THOP1: variants seen among roughly 807,000 people sequenced by gnomAD.
THOP1 encodes the protein thimet oligopeptidase 1.
A neutral mutation model predicts 71.8 loss-of-function variants in THOP1; 49 were observed. The observed-to-expected ratio is 0.68, with a 90% CI of 0.54 to 0.87. The LOEUF is 0.87. Ranked by LOEUF, THOP1 falls within the 40% of genes least tolerant of loss-of-function variation. The probability of loss-of-function intolerance (pLI) is 0.00; values close to 1 mark genes in which losing one functional copy is unlikely to be tolerated. For missense variants in THOP1, 843 were observed against 975.6 expected (o/e 0.86, Z 1.81); for synonymous variants, 426 against 421.5 (o/e 1.01, Z -0.13).
intron 1 of THOP1, chr19:2,786,807 A>G (rs984889285): frequency 1.6e-5 from 2 of 128,968 alleles, no homozygotes; most frequent in African/African-American, 3.2e-5. Flanking sequence ...TCCGTCACCC[A>G]GGCTGGAGTG....
Position 2,794,758 on chromosome 19 carries a change from T to C in THOP1, c.230-6T>C, listed in dbSNP as rs748548026. ...ACACCTGTCTCCCTGGTCTCCCCTGTTTTAGTTCAGAGGAATATCCTTGAC... is the reference window on the plus strand; with the variant it reads ...ACACCTGTCTCCCTGGTCTCCCCTGCTTTAGTTCAGAGGAATATCCTTGAC... On this transcript the variant is annotated splice_polypyrimidine_tract_variant and splice_region_variant and intron_variant, in intron 2 of 12. Coordinates refer to ENST00000307741, the MANE Select transcript of THOP1 (RefSeq NM_003249.5). 1 of 1,610,660 alleles carries C rather than the reference T, an allele frequency of 6.2e-7. No individual in the cohort carries two copies. The highest frequency in any genetic ancestry group is 1.7e-5 in the Admixed American group (1 of 59,936).
rs767840439 is a variant in THOP1, at chr19:2,807,946, G to C, written c.1253+138G>C. The C allele has an allele frequency of 6.9e-5, 74 of 1,075,936 alleles. 1 individual carries two copies. The highest frequency in any genetic ancestry group is 9.2e-5 in the Non-Finnish European group (72 of 780,580). The allele number at this position is 1,075,936 out of a possible 1,614,324, so 66.6% of individuals were successfully genotyped here. On this transcript the variant is annotated intron_variant, in intron 8 of 12. Transcript: ENST00000307741. ...GGATGAACCCCGAGACGTAGCACCC[G>C]TGGGCACACCACAGGGGCCGAAAAT...
At chr19:2,787,763 G>A (rs566358251) in intron 1 of THOP1, among the ~76,000 whole-genome samples, 20 of 152,288 alleles carry the variant, frequency 1.3e-4, no homozygotes, top group African/African-American at 4.1e-4. Flanking sequence ...GACATTTGTG[G>A]TTGTCACAGT....
At chr19:2,807,319 C>T (rs996173059) in intron 7 of THOP1, 123 bp from the exon 8 acceptor site, 19 of 1,412,010 alleles carry the variant, frequency 1.3e-5, no homozygotes, top group South Asian at 3.0e-5. Flanking sequence ...GAGGGGTTGC[C>T]GGGAACTGCG....
chr19:2,794,457 C>G (rs1184208711), intron 2 of THOP1, among the ~76,000 whole-genome samples: 1 of 152,262 alleles, frequency 6.6e-6, no homozygotes, highest in Non-Finnish European at 1.5e-5. Flanking sequence ...CCGTCAGCCT[C>G]TGTTTCGTCG....
intron 4 of THOP1, among the ~76,000 whole-genome samples, chr19:2,796,807 G>A (rs957209532): frequency 6.6e-6 from 1 of 152,200 alleles, no homozygotes; most frequent in Admixed American, 6.5e-5. Context: ...CCTGAACTCT[G>A]GCAAGGCAGG....
At chr19:2,798,220 AG>A (rs1916064462) in intron 4 of THOP1, among the ~76,000 whole-genome samples, 1 of 151,976 alleles carries the variant, frequency 6.6e-6, no homozygotes. Context: ...TGATAGAGAC[AG>A]GGTTTTACCA....
At chr19:2,806,420 G>T (rs1237152059) in intron 6 of THOP1, 1 of 160,526 alleles carries the variant, frequency 6.2e-6, no homozygotes, top group Non-Finnish European at 1.4e-5. Flanking sequence ...TGTGGACCCA[G>T]CTGGTGGGCA....
intron 4 of THOP1, among the ~76,000 whole-genome samples, chr19:2,798,629 A>G (rs1916074069): frequency 6.6e-6 from 1 of 152,252 alleles, no homozygotes; most frequent in African/African-American, 2.4e-5. Flanking sequence ...ATTGCCCAGC[A>G]TGGGGCCTGT....
chr19:2,809,356 G>A (rs898686046), intron 9 of THOP1, among the ~76,000 whole-genome samples: 2 of 152,198 alleles, frequency 1.3e-5, no homozygotes, highest in African/African-American at 2.4e-5. Flanking sequence ...TCTGCACAAC[G>A]CTTGGGGCCT....
Position 2,810,473 on chromosome 19 carries a change from C to G in THOP1, c.1625C>G (p.Ser542Cys). The change falls in exon 10 of 13, where the codon TCC (serine) becomes TGC (cysteine). Residue 542 changes from serine to cysteine, a missense_variant. Ser to Cys is a moderately radical substitution (Grantham distance 112). Coordinates refer to ENST00000307741, the MANE Select transcript of THOP1 (RefSeq NM_003249.5). ...GAGCTCCTGGAGAAGCTCATTGAGT[C>G]CCGGCAGGCCAACACAGGTGCACCC... ...PRELLEKLIE[S>C]RQANTGLFNL... 4 of 1,563,146 alleles carry G rather than the reference C, an allele frequency of 2.6e-6. No individual in the cohort carries two copies. The highest frequency in any genetic ancestry group is 1.7e-6 in the Non-Finnish European group (2 of 1,154,772).
chr19:2,810,159 T>G, intron 9 of THOP1, 145 bp from the exon 10 acceptor site: 1 of 1,098,118 alleles, frequency 9.1e-7, no homozygotes, highest in Non-Finnish European at 1.3e-6. Context: ...CCCGGTCGTT[T>G]TCCAGTTTTG....
chr19:2,812,893 C>T (rs143878424), intron 12 of THOP1, among the ~76,000 whole-genome samples: 291 of 152,270 alleles, frequency 1.9e-3, no homozygotes, highest in African/African-American at 5.8e-3. Context: ...TTGGGGAGTT[C>T]GGGGCTCTGC....
At chr19:2,794,519 T>G (rs1466492314) in intron 2 of THOP1, among the ~76,000 whole-genome samples, 1 of 152,200 alleles carries the variant, frequency 6.6e-6, no homozygotes, top group African/African-American at 2.4e-5. Flanking sequence ...AGTTGAATCC[T>G]TATTTTTCTT....
chr19:2,813,187 T>C lies in THOP1; in HGVS notation c.1981T>C (p.Phe661Leu). Reference protein sequence around the residue: ...SEDASAMLRRFLGRDPKQDAF... With the variant: ...SEDASAMLRRLLGRDPKQDAF... ...GGATGCCAGCGCCATGCTGAGGCGC[T>C]TCCTGGGCCGTGACCCCAAGCAGGA... Residue 661 changes from phenylalanine (F) to leucine (L), a missense_variant, in exon 13 of 13, where the codon TTC becomes CTC. Coordinates refer to ENST00000307741, the MANE Select transcript of THOP1 (RefSeq NM_003249.5). 1 of 1,612,464 alleles carries C rather than the reference T, an allele frequency of 6.2e-7. No individual in the cohort carries two copies. The highest frequency in any genetic ancestry group is 1.7e-5 in the Admixed American group (1 of 59,980).
Position 2,807,827 on chromosome 19 carries a change from G to A in THOP1, c.1253+19G>A, listed in dbSNP as rs1916344762. 7 of 1,450,140 alleles carry A rather than the reference G, an allele frequency of 4.8e-6. No homozygotes were observed. The highest frequency in any genetic ancestry group is 4.3e-5 in the South Asian group (3 of 69,628). 89.8% of individuals were successfully genotyped at this position (1,450,140 alleles called of 1,614,324 possible). ...ACCCGCGGTGGGTGAGGGCAGCGGG[G>A]GCGGGGGGCGCACCCCGGCCCTGGG... is the stretch of plus-strand genomic sequence containing the variant. On this transcript the variant is annotated intron_variant, in intron 8 of 12. Coordinates refer to ENST00000307741, the MANE Select transcript of THOP1 (RefSeq NM_003249.5).
intron 1 of THOP1, among the ~76,000 whole-genome samples, chr19:2,787,653 C>G (rs906966183): frequency 6.6e-6 from 1 of 152,250 alleles, no homozygotes; most frequent in Non-Finnish European, 1.5e-5. Flanking sequence ...ATGACCTCAA[C>G]TGACCGACTG....
chr19:2,810,610 A>T, intron 10 of THOP1, 30 bp from the exon 11 acceptor site: 1 of 1,543,072 alleles, frequency 6.5e-7, no homozygotes. Flanking sequence ...GCAGGTGCAG[A>T]GGCCAGCTCT....
At chr19:2,786,410 T>C (rs1599515790) in intron 1 of THOP1, among the ~76,000 whole-genome samples, 1 of 152,046 alleles carries the variant, frequency 6.6e-6, no homozygotes, top group African/African-American at 2.4e-5. Flanking sequence ...CACACTTGGC[T>C]AATTTTTTGT....
Sources: allele counts gnomAD v4.1 joint callset (sites outside exome capture counted in the v4.1 genomes callset), GRCh38; gene constraint gnomAD v4.1.1; transcripts MANE v1.5; gene names NCBI Gene and HGNC (gene_info 2026-07-23, HGNC 2026-07-21).